TRPC4AP: variants seen among roughly 807,000 people sequenced by gnomAD.
The protein encoded by TRPC4AP is short transient receptor potential channel 4-associated protein.
Under a neutral mutation model 99.0 loss-of-function variants are expected in TRPC4AP, and 45 were observed. The ratio of observed to expected loss-of-function variants is 0.45; its 90% CI spans 0.36 to 0.58. The LOEUF (loss-of-function observed/expected upper bound fraction) is 0.58. TRPC4AP is among the 20% of genes least tolerant of loss of function. The probability of loss-of-function intolerance (pLI) is 0.00; values close to 1 mark genes in which losing one functional copy is unlikely to be tolerated. For missense variants in TRPC4AP, 879 were observed against 985.3 expected (o/e 0.89, Z 1.44); for synonymous variants, 408 against 385.8 (o/e 1.06, Z -0.67).
chr20:35,090,738 C>T lies in TRPC4AP; in HGVS notation c.168+1876G>A, dbSNP rs185848655. Among the ~76,000 whole-genome samples the T allele has an allele frequency of 2.0e-5, 3 of 152,118 alleles. No individual in the cohort carries two copies. In the East Asian group the frequency reaches 5.8e-4, roughly 29 times the overall value. On this transcript the variant is annotated intron_variant, in intron 1 of 18. Coordinates refer to ENST00000252015, the MANE Select transcript of TRPC4AP (RefSeq NM_015638.3). ...TCAGCACTGGAAACAAATTAAGTTG[C>T]CTAAATTGCCTCATTTATCATGCTA...
chr20:35,089,577 G>A (rs868669603), intron 1 of TRPC4AP, among the ~76,000 whole-genome samples: 1 of 151,994 alleles, frequency 6.6e-6, no homozygotes, highest in African/African-American at 2.4e-5. Context: ...TTGGCTAGGC[G>A]CAGTGGCTCA....
At chr20:35,069,442 T>C in intron 2 of TRPC4AP, 30 bp from the exon 3 acceptor site, 8 of 1,408,258 alleles carry the variant, frequency 5.7e-6, no homozygotes, top group Non-Finnish European at 8.0e-6. Flanking sequence ...GTACATACAT[T>C]GTTTTAGTAA....
chr20:35,080,036 A>G (rs946002255), intron 1 of TRPC4AP, among the ~76,000 whole-genome samples: 1 of 147,698 alleles, frequency 6.8e-6, no homozygotes, highest in African/African-American at 2.5e-5. Flanking sequence ...AAAAAAAGAC[A>G]TCATTATAAC....
chr20:35,052,852 T>G (rs1019156291), intron 5 of TRPC4AP, among the ~76,000 whole-genome samples: 12 of 152,238 alleles, frequency 7.9e-5, no homozygotes, highest in African/African-American at 2.9e-4. Flanking sequence ...TTGCTCCAGT[T>G]TAGTCACAGT....
intron 8 of TRPC4AP, among the ~76,000 whole-genome samples, chr20:35,027,200 G>C (rs1177686109): frequency 6.6e-6 from 1 of 152,132 alleles, no homozygotes; most frequent in African/African-American, 2.4e-5. Flanking sequence ...ATGGGTTTTT[G>C]TAGATGCCCT....
chr20:35,087,672 G>C (rs2084927014), intron 1 of TRPC4AP, among the ~76,000 whole-genome samples: 1 of 152,202 alleles, frequency 6.6e-6, no homozygotes, highest in African/African-American at 2.4e-5. Flanking sequence ...TGAGGCTGGA[G>C]AGTTTTAAGC....
chr20:35,031,928 G>A (rs892616108), intron 8 of TRPC4AP, among the ~76,000 whole-genome samples: 1 of 152,032 alleles, frequency 6.6e-6, no homozygotes, highest in Non-Finnish European at 1.5e-5. Flanking sequence ...GTCTCACTTT[G>A]TCACCCAGGC....
At chr20:35,038,780 A>G (rs1214090516) in intron 7 of TRPC4AP, among the ~76,000 whole-genome samples, 3 of 152,234 alleles carry the variant, frequency 2.0e-5, no homozygotes, top group Admixed American at 2.0e-4. Context: ...TTTTCTAAAA[A>G]CAAATCAGTA....
At chr20:35,007,447 T>C in intron 14 of TRPC4AP, 103 bp downstream of exon 14, 4 of 1,221,148 alleles carry the variant, frequency 3.3e-6, no homozygotes, top group Non-Finnish European at 4.7e-6. Flanking sequence ...AGTCACGAGA[T>C]CTGCTCTGCT....
In TRPC4AP at chr20:35,002,595, C is replaced by T. The variant is rs1269482243; in HGVS notation, c.*551G>A. ...AAAGGCCCCTCACTTCTGGGAGAAC[C>T]CCCTTGGATGAACACAGCGGCCAAT... On this transcript the variant is annotated 3_prime_UTR_variant, in exon 19 of 19. Transcript: ENST00000252015. 5.4e-6 allele frequency: 1 copy of T among 184,614 alleles called. No homozygotes were observed. The highest frequency in any genetic ancestry group is 1.1e-5 in the Non-Finnish European group (1 of 89,756). 11.4% of individuals were successfully genotyped at this position (184,614 alleles called of 1,614,324 possible).
chr20:35,041,326 G>A (rs2083442511), intron 7 of TRPC4AP, among the ~76,000 whole-genome samples: 1 of 152,082 alleles, frequency 6.6e-6, no homozygotes, highest in South Asian at 2.1e-4. Context: ...GGCCTTCCCA[G>A]GGCATTTGAA....
Position 35,003,247 on chromosome 20 carries a change from C to CT in TRPC4AP, c.2292dup (p.Val765SerfsTer17), listed in dbSNP as rs1453764842. On this transcript the variant is annotated frameshift_variant, in exon 19 of 19. Coordinates refer to ENST00000252015, the MANE Select transcript of TRPC4AP (RefSeq NM_015638.3). LOFTEE classifies it high-confidence loss of function. ...CGGTCCGGGTTCAACAGGATGGACA[C>CT]TGTCTCCTTCCAGTATGAGAAGCTG... The CT allele has an allele frequency of 6.2e-7, 1 of 1,614,224 alleles. No individual in the cohort carries two copies. Among genetic ancestry groups the CT allele is most frequent in the African/African-American group, 1.3e-5 (1 of 75,074 alleles).
chr20:35,061,792 AT>A (rs1049618807), intron 3 of TRPC4AP, among the ~76,000 whole-genome samples: 2 of 152,318 alleles, frequency 1.3e-5, no homozygotes, highest in Non-Finnish European at 2.9e-5. Context: ...GTGACCTTGG[AT>A]TAGGAAATGG....
chr20:35,073,048 G>A (rs961021752), intron 2 of TRPC4AP, among the ~76,000 whole-genome samples: 1 of 152,146 alleles, frequency 6.6e-6, no homozygotes, highest in Non-Finnish European at 1.5e-5. Context: ...TGTAGCAATT[G>A]TGAATGGGAG....
intron 3 of TRPC4AP, among the ~76,000 whole-genome samples, chr20:35,068,392 T>C (rs970792159): frequency 6.6e-6 from 1 of 152,172 alleles, no homozygotes; most frequent in African/African-American, 2.4e-5. Context: ...CAAAGGTATA[T>C]ACTCACATGT....
Position 35,052,227 on chromosome 20 carries a change from G to A in TRPC4AP, c.529-2233C>T, listed in dbSNP as rs577348656. On this transcript the variant is annotated intron_variant, in intron 5 of 18. Coordinates refer to ENST00000252015, the MANE Select transcript of TRPC4AP (RefSeq NM_015638.3). ...CAATCCTCCCACCTCAGCCTCCTGA[G>A]GAGCTGGGACTATGGTATATAACAC... Among the ~76,000 whole-genome samples the A allele has an allele frequency of 1.8e-4, 18 of 97,918 alleles. 1 individual carries two copies. In the South Asian group the frequency reaches 4.2e-3, roughly 23 times the overall value. 64.2% of individuals were successfully genotyped at this position (97,918 alleles called of 152,430 possible).
At chr20:35,004,985 T>G (rs1600493702) in intron 16 of TRPC4AP, among the ~76,000 whole-genome samples, 1 of 152,286 alleles carries the variant, frequency 6.6e-6, no homozygotes, top group Non-Finnish European at 1.5e-5. Context: ...ACACCAGCTC[T>G]CAGGTGAGTC....
chr20:35,090,326 T>C (rs925428230), intron 1 of TRPC4AP, among the ~76,000 whole-genome samples: 13 of 150,152 alleles, frequency 8.7e-5, no homozygotes, highest in Non-Finnish European at 1.6e-4. Flanking sequence ...CACAATAACC[T>C]GCCTTGCTTT....
At chr20:35,066,468 T>C (rs891985016) in intron 3 of TRPC4AP, among the ~76,000 whole-genome samples, 20 of 152,072 alleles carry the variant, frequency 1.3e-4, no homozygotes, top group African/African-American at 4.8e-4. Flanking sequence ...AATCGCCACA[T>C]AGATCAAGAT....
Sources: gnomAD v4.1 joint callset for allele counts (sites outside exome capture counted in the v4.1 genomes callset) on GRCh38, gnomAD v4.1.1 for gene constraint, MANE v1.5 for transcripts, NCBI Gene and HGNC (gene_info 2026-07-23, HGNC 2026-07-21) for gene names.